The following PDE1C variants were observed in gnomAD, a reference collection of about 807,000 sequenced individuals.
PDE1C encodes the protein phosphodiesterase 1C.
Under a neutral mutation model 93.1 loss-of-function variants are expected in PDE1C, and 62 were observed. The observed-to-expected ratio is 0.67, with a 90% confidence interval of 0.54 to 0.82. PDE1C has a LOEUF of 0.82. Among genes scored for constraint, PDE1C ranks in the 40% least tolerant of loss-of-function variants. The pLI is 0.00. For missense variants in PDE1C, 742 were observed against 884.6 expected (o/e 0.84, Z 2.04); for synonymous variants, 325 against 310.1 (o/e 1.05, Z -0.50).
chr7:32,147,246 A>G (rs2128785780), intron 3 of PDE1C, among the ~76,000 whole-genome samples: 1 of 120,694 alleles, frequency 8.3e-6, no homozygotes, highest in Non-Finnish European at 1.7e-5. Context: ...TAAAAAAGAA[A>G]GAAAGAAAAG....
At chr7:31,704,607 A>T in the PDE1C span, among the ~76,000 whole-genome samples, 534 of 152,326 alleles carry the variant, frequency 3.5e-3, no homozygotes, top group African/African-American at 0.012. Flanking sequence ...GATTCCTACA[A>T]TGTGAAATAT....
intron 3 of PDE1C, among the ~76,000 whole-genome samples, chr7:32,077,341 G>A (rs1016662564): frequency 6.6e-6 from 1 of 152,164 alleles, no homozygotes; most frequent in African/African-American, 2.4e-5. Flanking sequence ...CCATCTGGCA[G>A]GACACAAAGG....
At chr7:31,778,972 G>A (rs7796965) in intron 16 of PDE1C, among the ~76,000 whole-genome samples, 117,042 of 152,030 alleles carry the variant, frequency 0.77, 46,561 homozygotes, top group Non-Finnish European at 0.88. Flanking sequence ...CCAACCCATT[G>A]TCTGGGTTTC....
chr7:32,031,671 G>A (rs185652026), intron 2 of PDE1C, among the ~76,000 whole-genome samples: 29 of 152,288 alleles, frequency 1.9e-4, no homozygotes, highest in African/African-American at 6.3e-4. Flanking sequence ...TGCGTTCAAG[G>A]AGGAAGTCAA....
At chr7:31,844,254 A>G (rs1265765431) in intron 9 of PDE1C, among the ~76,000 whole-genome samples, 1 of 151,678 alleles carries the variant, frequency 6.6e-6, no homozygotes, top group Non-Finnish European at 1.5e-5. Context: ...AAAATTAATA[A>G]AATATAAAAT....
chr7:32,268,750 AG>A (rs1380752868), intron 1 of PDE1C, among the ~76,000 whole-genome samples: 2 of 152,230 alleles, frequency 1.3e-5, no homozygotes, highest in South Asian at 4.1e-4. Flanking sequence ...TTAGGATAAT[AG>A]GTAACATTCC....
intron 14 of PDE1C, among the ~76,000 whole-genome samples, chr7:31,817,860 A>G (rs1040539996): frequency 1.3e-5 from 2 of 152,098 alleles, no homozygotes; most frequent in Non-Finnish European, 2.9e-5. Context: ...GCTTTATGAC[A>G]TGTATTTTGT....
At chr7:31,808,142 T>C in intron 16 of PDE1C, 1 of 447,978 alleles carries the variant, frequency 2.2e-6, no homozygotes, top group South Asian at 1.6e-5. Context: ...AATTTATTCT[T>C]ACTCTTCCAC....
chr7:32,152,095 T>C (rs1486041991), intron 3 of PDE1C, among the ~76,000 whole-genome samples: 2 of 152,188 alleles, frequency 1.3e-5, no homozygotes, highest in Admixed American at 1.3e-4. Context: ...CCTGGGCACA[T>C]GCTTTCTCCA....
upstream of PDE1C, among the ~76,000 whole-genome samples, chr7:32,074,332 A>G (rs1302889743): frequency 6.6e-6 from 1 of 152,196 alleles, no homozygotes; most frequent in Non-Finnish European, 1.5e-5. Context: ...CTACCACCCT[A>G]CCAGTTTTTG....
intron 1 of PDE1C, among the ~76,000 whole-genome samples, chr7:32,423,904 A>C (rs1303216693): frequency 6.6e-6 from 1 of 152,250 alleles, no homozygotes; most frequent in East Asian, 1.9e-4. Flanking sequence ...ACCAAAAAAA[A>C]CACTTTAATC....
At chr7:32,274,919 C>T (rs1811187625) in intron 1 of PDE1C, among the ~76,000 whole-genome samples, 1 of 152,190 alleles carries the variant, frequency 6.6e-6, no homozygotes, top group African/African-American at 2.4e-5. Context: ...TTTTTAAGTA[C>T]AAATATATTT....
At chr7:32,201,149 T>C (rs1804983409) in intron 2 of PDE1C, among the ~76,000 whole-genome samples, 1 of 152,262 alleles carries the variant, frequency 6.6e-6, no homozygotes, top group Admixed American at 6.5e-5. Flanking sequence ...CCTTTCTTTA[T>C]TGCAAGTTTA....
chr7:32,228,335 G>A (rs1308983403), intron 1 of PDE1C, among the ~76,000 whole-genome samples: 1 of 152,190 alleles, frequency 6.6e-6, no homozygotes, highest in African/African-American at 2.4e-5. Context: ...TGGAGCACAA[G>A]GTACCAGGAA....
chr7:31,660,996 A>T, the PDE1C span, among the ~76,000 whole-genome samples: 1 of 152,150 alleles, frequency 6.6e-6, no homozygotes, highest in Admixed American at 6.6e-5. Flanking sequence ...TGATAAAAAG[A>T]AATGTGATGA....
At chr7:32,154,727 C>T (rs72609239) in intron 3 of PDE1C, among the ~76,000 whole-genome samples, 9,376 of 152,260 alleles carry the variant, frequency 0.062, 569 homozygotes, top group East Asian at 0.32. Flanking sequence ...TCCCTACCAC[C>T]CCATACCATA....
the PDE1C span, chr7:31,651,301 A>G: frequency 1.2e-6 from 2 of 1,606,296 alleles, no homozygotes; most frequent in East Asian, 2.2e-5. Flanking sequence ...AAAAGTAAGT[A>G]CCAGCCCACA....
At chr7:32,402,056 A>T (rs1453969290) in intron 1 of PDE1C, among the ~76,000 whole-genome samples, 1 of 152,202 alleles carries the variant, frequency 6.6e-6, no homozygotes, top group Non-Finnish European at 1.5e-5. Flanking sequence ...ATAAATGTAG[A>T]TATTGTTTTC....
the PDE1C span, among the ~76,000 whole-genome samples, chr7:31,667,640 T>C: frequency 2.1e-5 from 1 of 46,830 alleles, no homozygotes; most frequent in Non-Finnish European, 3.6e-5. Context: ...TAAACAAATA[T>C]GAAAAAAAAA....
Sources: allele counts gnomAD v4.1 joint callset (sites outside exome capture counted in the v4.1 genomes callset), GRCh38; gene constraint gnomAD v4.1.1; transcripts MANE v1.5; gene names NCBI Gene and HGNC (gene_info 2026-07-23, HGNC 2026-07-21).